Variants in SCHIP1 observed in about 807,000 individuals in gnomAD.
SCHIP1 encodes the protein schwannomin interacting protein 1.
In SCHIP1, 8 loss-of-function variants were observed where a neutral mutation model predicts 29.7. The observed-to-expected ratio is 0.27, with a 90% CI of 0.16 to 0.49. SCHIP1 has a LOEUF of 0.49. Among genes scored for constraint, SCHIP1 ranks in the 20% least tolerant of loss-of-function variants. SCHIP1 has a pLI of 0.99. For synonymous variants in SCHIP1, 76 were observed against 94.9 expected (o/e 0.80, Z 1.16); for missense variants, 193 against 294.6 (o/e 0.66, Z 2.52).
the SCHIP1 span, among the ~76,000 whole-genome samples, chr3:159,809,633 C>G: frequency 6.8e-6 from 1 of 146,706 alleles, no homozygotes; most frequent in Non-Finnish European, 1.5e-5. Context: ...GTACTCCAGC[C>G]TGGGCAATGA....
the SCHIP1 span, among the ~76,000 whole-genome samples, chr3:159,657,933 A>G: frequency 7.2e-5 from 11 of 152,334 alleles, no homozygotes; most frequent in Admixed American, 3.9e-4. Flanking sequence ...GGTCCCACCA[A>G]AGGCGTTTTT....
the SCHIP1 span, among the ~76,000 whole-genome samples, chr3:159,429,272 A>G: frequency 6.6e-6 from 1 of 151,894 alleles, no homozygotes; most frequent in Non-Finnish European, 1.5e-5. Flanking sequence ...AGTGATAGTC[A>G]TAAGCTCTTG....
At chr3:159,767,195 A>G in the SCHIP1 span, among the ~76,000 whole-genome samples, 2 of 152,236 alleles carry the variant, frequency 1.3e-5, no homozygotes, top group Non-Finnish European at 2.9e-5. Context: ...GGTTTAGAAT[A>G]CTGTTTTTCA....
chr3:159,724,338 A>T, the SCHIP1 span, among the ~76,000 whole-genome samples: 27 of 152,302 alleles, frequency 1.8e-4, no homozygotes, highest in Middle Eastern at 3.4e-3. Context: ...GCAGGGAAAG[A>T]TGGGCCAAGG....
the SCHIP1 span, among the ~76,000 whole-genome samples, chr3:159,287,546 G>A: frequency 1.6e-3 from 238 of 151,940 alleles, no homozygotes; most frequent in African/African-American, 4.7e-3. Flanking sequence ...AGAATAAACC[G>A]CATTCTATTT....
chr3:159,426,000 C>T, the SCHIP1 span, among the ~76,000 whole-genome samples: 1 of 152,038 alleles, frequency 6.6e-6, no homozygotes, highest in Non-Finnish European at 1.5e-5. Context: ...CCAACAAGAA[C>T]AAAGACACAA....
chr3:159,840,211 T>A lies in SCHIP1; in HGVS notation c.27T>A (p.Tyr9Ter). 1.3e-6 allele frequency: 2 copies of A among 1,535,668 alleles called. No individual in the cohort carries two copies. Among genetic ancestry groups the A allele is most frequent in the Non-Finnish European group, 1.7e-6 (2 of 1,146,592 alleles). ...TGGTACATCAGGATAACTGCTCGTATCAGGTAAAATTTAAAGCCTGATTCT... is the reference window on the plus strand; with the variant it reads ...TGGTACATCAGGATAACTGCTCGTAACAGGTAAAATTTAAAGCCTGATTCT... The change falls in exon 1 of 7, where the codon TAT (tyrosine) becomes TAA (stop). Residue 9 changes from tyrosine (Y) to a stop codon, truncating the protein, a stop_gained. Transcript: ENST00000445224. LOFTEE classifies it high-confidence loss of function.
the SCHIP1 span, among the ~76,000 whole-genome samples, chr3:159,491,510 G>C: frequency 6.6e-6 from 1 of 152,322 alleles, no homozygotes; most frequent in South Asian, 2.1e-4. Context: ...CTCATTGCTA[G>C]CACAGCAGTC....
chr3:159,297,338 T>C, the SCHIP1 span, among the ~76,000 whole-genome samples: 1 of 152,186 alleles, frequency 6.6e-6, no homozygotes, highest in Non-Finnish European at 1.5e-5. Context: ...ATGGGTCATA[T>C]GATAGTTCTA....
the SCHIP1 span, among the ~76,000 whole-genome samples, chr3:159,693,427 G>A: frequency 6.6e-6 from 1 of 152,294 alleles, no homozygotes; most frequent in South Asian, 2.1e-4. Flanking sequence ...TTTCCTGCCA[G>A]CAGTCTTGGG....
chr3:159,547,895 G>T, the SCHIP1 span, among the ~76,000 whole-genome samples: 1 of 152,076 alleles, frequency 6.6e-6, no homozygotes, highest in Admixed American at 6.6e-5. Flanking sequence ...CTATACAGAT[G>T]TAGAATTTAA....
At chr3:159,456,641 T>C in the SCHIP1 span, among the ~76,000 whole-genome samples, 2 of 152,176 alleles carry the variant, frequency 1.3e-5, no homozygotes, top group Non-Finnish European at 2.9e-5. Context: ...CTTGGAAGTA[T>C]AGAGAAGTTG....
At chr3:159,714,753 G>A in the SCHIP1 span, among the ~76,000 whole-genome samples, 101 of 152,344 alleles carry the variant, frequency 6.6e-4, 1 homozygote, top group African/African-American at 2.1e-3. Flanking sequence ...TGGGAAGCTC[G>A]AACTGGGTGG....
At chr3:159,425,680 C>T in the SCHIP1 span, among the ~76,000 whole-genome samples, 3 of 152,178 alleles carry the variant, frequency 2.0e-5, no homozygotes, top group Non-Finnish European at 2.9e-5. Flanking sequence ...CTCAGCTCTG[C>T]ACCAAGTGGA....
chr3:159,273,317 C>T, the SCHIP1 span: 2 of 985,770 alleles, frequency 2.0e-6, no homozygotes, highest in African/African-American at 1.7e-5. Context: ...GAGGCTGGGG[C>T]GAGAATGAGG....
the SCHIP1 span, among the ~76,000 whole-genome samples, chr3:159,790,677 T>C: frequency 6.6e-6 from 1 of 152,070 alleles, no homozygotes; most frequent in East Asian, 1.9e-4. Flanking sequence ...CAGAGCGAGA[T>C]TGTCTCAAAA....
chr3:159,687,495 A>G, the SCHIP1 span, among the ~76,000 whole-genome samples: 1 of 152,170 alleles, frequency 6.6e-6, no homozygotes, highest in African/African-American at 2.4e-5. Flanking sequence ...TTTGGAACAA[A>G]AAACAAACAA....
At chr3:159,877,057 C>T (rs747857991) in intron 2 of SCHIP1, among the ~76,000 whole-genome samples, 1 of 152,176 alleles carries the variant, frequency 6.6e-6, no homozygotes, top group African/African-American at 2.4e-5. Flanking sequence ...TGAGATACAT[C>T]CCTATTTTAG....
At chr3:159,713,240 GAAA>G in the SCHIP1 span, among the ~76,000 whole-genome samples, 51 of 81,440 alleles carry the variant, frequency 6.3e-4, 1 homozygote, top group East Asian at 0.012. Flanking sequence ...AAGGAAGAAA[GAAA>G]GAAAGAAAGA....
Sources: allele counts gnomAD v4.1 joint callset (sites outside exome capture counted in the v4.1 genomes callset), GRCh38; gene constraint gnomAD v4.1.1; transcripts MANE v1.5; gene names NCBI Gene and HGNC (gene_info 2026-07-23, HGNC 2026-07-21).